EVI5: variants seen among roughly 807,000 people sequenced by gnomAD.
EVI5 encodes the protein ecotropic viral integration site 5 protein homolog.
In EVI5, 73 loss-of-function variants were observed where a neutral mutation model predicts 112.0. That is an observed-to-expected ratio of 0.65 (90% CI 0.54 to 0.79). The LOEUF is 0.79. Among genes scored for constraint, EVI5 ranks in the 30% least tolerant of loss-of-function variants. The pLI, the probability that EVI5 is intolerant of heterozygous loss-of-function variation, is 0.00. For synonymous variants in EVI5, 305 were observed against 319.9 expected (o/e 0.95, Z 0.50); for missense variants, 900 against 968.8 (o/e 0.93, Z 0.94).
At position 92,694,307 on chromosome 1, in the gene EVI5, T is replaced by A. The variant is rs756881274; in HGVS notation, c.991A>T (p.Met331Leu). 4 of 1,537,894 alleles carry A rather than the reference T, an allele frequency of 2.6e-6. No homozygotes were observed. Among genetic ancestry groups the A allele is most frequent in the East Asian group, 2.2e-5 (1 of 44,516 alleles). ...ATAAATTATGAACTTACCTGTAACA[T>A]CCCTTCCATGTCAAGTTGCATCAGT... ...AELMQLDMEG[M>L]LQHFQKVIPH... The change falls in exon 8 of 20, where the codon ATG becomes TTG. Residue 331 changes from methionine to leucine, a missense_variant. By Grantham distance (15) the Met-to-Leu change is conservative. Coordinates refer to ENST00000684568, the MANE Select transcript of EVI5 (RefSeq NM_001350197.2).
chr1:92,539,787 C>T (rs1664513937), intron 19 of EVI5, among the ~76,000 whole-genome samples: 2 of 152,066 alleles, frequency 1.3e-5, no homozygotes, highest in Non-Finnish European at 2.9e-5. Flanking sequence ...AGTTGTGCAA[C>T]CATCACCACA....
At chr1:92,576,260 G>C (rs1176226220) in intron 18 of EVI5, among the ~76,000 whole-genome samples, 1 of 152,098 alleles carries the variant, frequency 6.6e-6, no homozygotes, top group Non-Finnish European at 1.5e-5. Context: ...ATGTATATTA[G>C]TTAACATACA....
chr1:92,717,792 G>C (rs1335697982), intron 2 of EVI5, among the ~76,000 whole-genome samples: 1 of 151,866 alleles, frequency 6.6e-6, no homozygotes, highest in African/African-American at 2.4e-5. Flanking sequence ...GCTGTATTCA[G>C]AAGATCCATC....
At chr1:92,745,018 C>T (rs1422318498) in intron 1 of EVI5, among the ~76,000 whole-genome samples, 1 of 151,890 alleles carries the variant, frequency 6.6e-6, no homozygotes, top group African/African-American at 2.4e-5. Context: ...GCAGTCTCAA[C>T]CTCCCAAGCT....
intron 1 of EVI5, among the ~76,000 whole-genome samples, chr1:92,778,583 G>C (rs886495073): frequency 6.6e-6 from 1 of 152,058 alleles, no homozygotes; most frequent in Non-Finnish European, 1.5e-5. Context: ...CAGAAAACTG[G>C]AAGATACTCT....
intron 18 of EVI5, among the ~76,000 whole-genome samples, chr1:92,600,428 CA>C (rs1648894584): frequency 6.6e-6 from 1 of 152,114 alleles, no homozygotes; most frequent in Non-Finnish European, 1.5e-5. Context: ...CTCTGTACAT[CA>C]TGTTTCATAA....
intron 2 of EVI5, among the ~76,000 whole-genome samples, chr1:92,708,132 G>GA (rs1432505727): frequency 6.6e-6 from 1 of 151,790 alleles, no homozygotes; most frequent in Non-Finnish European, 1.5e-5. Flanking sequence ...AGTGACAAAA[G>GA]AAAAAACAGA....
At chr1:92,599,673 C>T (rs2101496873) in intron 18 of EVI5, among the ~76,000 whole-genome samples, 1 of 152,070 alleles carries the variant, frequency 6.6e-6, no homozygotes, top group East Asian at 1.9e-4. Context: ...AGAAATACTT[C>T]AAAAGTAGAG....
chr1:92,520,543 C>T (rs1003123207), intron 19 of EVI5, among the ~76,000 whole-genome samples: 30 of 151,958 alleles, frequency 2.0e-4, no homozygotes, highest in African/African-American at 5.8e-4. Flanking sequence ...TGTAAAGATG[C>T]CAAAACTGAA....
intron 18 of EVI5, among the ~76,000 whole-genome samples, chr1:92,591,133 C>A (rs570749892): frequency 6.6e-6 from 1 of 152,206 alleles, no homozygotes; most frequent in Non-Finnish European, 1.5e-5. Context: ...TGGAAAGGAA[C>A]AACTGATACC....
chr1:92,631,637 T>C (rs545132118), intron 14 of EVI5, among the ~76,000 whole-genome samples: 32 of 152,306 alleles, frequency 2.1e-4, no homozygotes, highest in African/African-American at 6.3e-4. Flanking sequence ...CAGGGACAAT[T>C]TGACTTCCTC....
At chr1:92,561,504 T>A (rs1668526568) in intron 19 of EVI5, among the ~76,000 whole-genome samples, 1 of 152,134 alleles carries the variant, frequency 6.6e-6, no homozygotes, top group Non-Finnish European at 1.5e-5. Flanking sequence ...AAAACTGACA[T>A]TAAAGTTAAA....
chr1:92,748,156 G>A (rs1679597263), intron 1 of EVI5, among the ~76,000 whole-genome samples: 1 of 152,080 alleles, frequency 6.6e-6, no homozygotes, highest in African/African-American at 2.4e-5. Context: ...CTCCCCTTGA[G>A]CCCAAGCAAA....
intron 18 of EVI5, among the ~76,000 whole-genome samples, chr1:92,577,969 T>C (rs1671338073): frequency 6.6e-6 from 1 of 152,238 alleles, no homozygotes; most frequent in African/African-American, 2.4e-5. Flanking sequence ...TTTTGTTTAG[T>C]GCAAGGTAGC....
chr1:92,757,907 C>CAAAA (rs71091299), intron 1 of EVI5, among the ~76,000 whole-genome samples: 1 of 70,272 alleles, frequency 1.4e-5, no homozygotes, highest in Admixed American at 1.8e-4. Flanking sequence ...GACTCTGCCT[C>CAAAA]AAAAAAAAAA....
chr1:92,533,374 A>G (rs559078727), intron 19 of EVI5, among the ~76,000 whole-genome samples: 2 of 152,356 alleles, frequency 1.3e-5, no homozygotes, highest in South Asian at 4.1e-4. Context: ...AGGAGATTGT[A>G]CCATTCCTTC....
chr1:92,574,325 C>A (rs1469736720), intron 18 of EVI5, among the ~76,000 whole-genome samples: 1 of 152,068 alleles, frequency 6.6e-6, no homozygotes, highest in Non-Finnish European at 1.5e-5. Flanking sequence ...TGTATATGGC[C>A]ACAGTAGAAA....
intron 18 of EVI5, among the ~76,000 whole-genome samples, chr1:92,583,340 T>A (rs895187129): frequency 1.3e-5 from 2 of 151,658 alleles, no homozygotes; most frequent in African/African-American, 4.8e-5. Flanking sequence ...TGAAACTCCA[T>A]CTCTACTAAA....
chr1:92,695,315 A>C lies in EVI5; in HGVS notation c.904T>G (p.Ser302Ala). 1 of 1,609,442 alleles carries C rather than the reference A, an allele frequency of 6.2e-7. No individual in the cohort carries two copies. The highest frequency in any genetic ancestry group is 8.5e-7 in the Non-Finnish European group (1 of 1,177,670). ...IATRIFDIFM[S>A]EGLEIVFRVG... ...TTGTCTGCCCATTAGCTTACCTCAG[A>C]CATAAAGATATCAAATATCCTTGTT... is the stretch of plus-strand genomic sequence containing the variant. The change falls in exon 7 of 20, where the codon TCT becomes GCT. Residue 302 changes from serine to alanine, a missense_variant. Ser to Ala is a moderately conservative substitution (Grantham distance 99, BLOSUM62 1). Coordinates refer to ENST00000684568, the MANE Select transcript of EVI5 (RefSeq NM_001350197.2).
Sources: gnomAD v4.1 joint callset for allele counts (sites outside exome capture counted in the v4.1 genomes callset) on GRCh38, gnomAD v4.1.1 for gene constraint, MANE v1.5 for transcripts, NCBI Gene and HGNC (gene_info 2026-07-23, HGNC 2026-07-21) for gene names.